CNTNAP2: variants seen among roughly 807,000 people sequenced by gnomAD.
The protein encoded by CNTNAP2 is contactin-associated protein-like 2.
CNTNAP2 carries 98 observed loss-of-function variants against 155.2 expected under a neutral mutation model. That is an observed-to-expected ratio of 0.63 (90% CI 0.54 to 0.75). CNTNAP2 has a LOEUF of 0.75. Among genes scored for constraint, CNTNAP2 ranks in the 30% least tolerant of loss-of-function variants. CNTNAP2 has a pLI of 0.00. For missense variants in CNTNAP2, 1,727 were observed against 1,688.1 expected (o/e 1.02, Z -0.40); for synonymous variants, 651 against 631.2 (o/e 1.03, Z -0.47).
intron 9 of CNTNAP2, among the ~76,000 whole-genome samples, chr7:147,391,551 C>A (rs1307294043): frequency 6.6e-6 from 1 of 151,996 alleles, no homozygotes; most frequent in Non-Finnish European, 1.5e-5. Flanking sequence ...AGGTTTACTC[C>A]ACTTAATAAA....
At chr7:148,306,542 T>C (rs1437054311) in intron 21 of CNTNAP2, among the ~76,000 whole-genome samples, 1 of 152,190 alleles carries the variant, frequency 6.6e-6, no homozygotes, top group Non-Finnish European at 1.5e-5. Flanking sequence ...CAAATTTACA[T>C]TTCATAAACT....
chr7:147,850,135 GC>G (rs1336699082), intron 13 of CNTNAP2, among the ~76,000 whole-genome samples: 15 of 152,106 alleles, frequency 9.9e-5, no homozygotes, highest in Admixed American at 9.8e-4. Context: ...ACTTTCAAAT[GC>G]TTTTTGGTAA....
intron 6 of CNTNAP2, among the ~76,000 whole-genome samples, chr7:147,127,761 T>C (rs980535106): frequency 2.6e-5 from 4 of 152,142 alleles, no homozygotes; most frequent in Non-Finnish European, 4.4e-5. Context: ...TTTTCTGACA[T>C]TTTAATGAAG....
chr7:146,136,029 A>T (rs1797792204), intron 1 of CNTNAP2, among the ~76,000 whole-genome samples: 1 of 152,244 alleles, frequency 6.6e-6, no homozygotes, highest in Admixed American at 6.5e-5. Context: ...GCCCCCAATT[A>T]TATTGTGTGA....
In CNTNAP2 at chr7:146,853,324, T is replaced by C. The variant is rs555785093; in HGVS notation, c.402+13420T>C. ...AAATTTTAAAATCAAAACCAAAATA[T>C]GATTATTCAGGTATATTTTATGTTA... is the stretch of plus-strand genomic sequence containing the variant. On this transcript the variant is annotated intron_variant, in intron 3 of 23. Transcript: ENST00000361727. Among the ~76,000 whole-genome samples the C allele has an allele frequency of 2.3e-4, 35 of 152,274 alleles. No individual in the cohort carries two copies. The South Asian group carries it at 6.4e-3, about 28-fold the overall frequency.
At chr7:146,827,013 A>AT (rs1430624573) in intron 2 of CNTNAP2, among the ~76,000 whole-genome samples, 5 of 151,674 alleles carry the variant, frequency 3.3e-5, no homozygotes, top group East Asian at 3.9e-4. Context: ...GATTAAGGAG[A>AT]TTTTTTTCAA....
intron 6 of CNTNAP2, among the ~76,000 whole-genome samples, chr7:147,126,549 C>T: frequency 6.6e-6 from 1 of 152,294 alleles, no homozygotes; most frequent in Non-Finnish European, 1.5e-5. Context: ...TCTCAGCTCA[C>T]CGCAATCTCC....
intron 1 of CNTNAP2, among the ~76,000 whole-genome samples, chr7:146,380,884 G>A (rs1584898109): frequency 8.2e-6 from 1 of 122,056 alleles, no homozygotes; most frequent in Admixed American, 1.1e-4. Context: ...TGCAGGCTCC[G>A]CCCCCTGGGG....
chr7:147,875,656 C>T (rs749620765), intron 13 of CNTNAP2, among the ~76,000 whole-genome samples: 1 of 152,104 alleles, frequency 6.6e-6, no homozygotes, highest in Non-Finnish European at 1.5e-5. Context: ...CTTTGGGAGG[C>T]CAAGGTAGTA....
chr7:148,311,948 A>C lies in CNTNAP2; in HGVS notation c.3475+44822A>C, dbSNP rs182865907. Among the ~76,000 whole-genome samples the C allele has an allele frequency of 1.3e-4, 20 of 152,316 alleles. 1 individual carries two copies. Among genetic ancestry groups the C allele is most frequent in the Non-Finnish European group, 2.9e-5 (2 of 68,030 alleles). The stretch of plus-strand genomic sequence containing the variant: ...GGCCGGATTGAAGTCTGGGCCAGGA[A>C]CAATGGTAATTGTGGGAGATTCAAC... On this transcript the variant is annotated intron_variant, in intron 21 of 23. Transcript: ENST00000361727.
intron 9 of CNTNAP2, among the ~76,000 whole-genome samples, chr7:147,347,365 T>C (rs1359788139): frequency 6.7e-6 from 1 of 149,936 alleles, no homozygotes; most frequent in African/African-American, 2.5e-5. Flanking sequence ...TTCTATATGA[T>C]GCTGATGGGC....
intron 8 of CNTNAP2, among the ~76,000 whole-genome samples, chr7:147,287,402 T>C (rs1446341641): frequency 6.6e-6 from 1 of 152,068 alleles, no homozygotes; most frequent in Non-Finnish European, 1.5e-5. Context: ...CAGGGTTCTT[T>C]GCTAAGCTGA....
intron 11 of CNTNAP2, among the ~76,000 whole-genome samples, chr7:147,547,851 A>G (rs778219111): frequency 2.6e-5 from 4 of 152,074 alleles, no homozygotes; most frequent in Admixed American, 2.6e-4. Flanking sequence ...GAGTGAGAAC[A>G]TGCGGTGTTG....
intron 13 of CNTNAP2, among the ~76,000 whole-genome samples, chr7:147,658,613 C>T: frequency 6.6e-6 from 1 of 152,178 alleles, no homozygotes; most frequent in East Asian, 1.9e-4. Context: ...GCAGGGCTAC[C>T]AGATGGGAAG....
chr7:146,614,199 G>T (rs185478780), intron 1 of CNTNAP2, among the ~76,000 whole-genome samples: 4 of 152,210 alleles, frequency 2.6e-5, no homozygotes, highest in African/African-American at 9.6e-5. Context: ...ACTCCTCTTA[G>T]AAATGTATTT....
At chr7:146,410,986 C>A (rs1795856978) in intron 1 of CNTNAP2, among the ~76,000 whole-genome samples, 1 of 152,070 alleles carries the variant, frequency 6.6e-6, no homozygotes, top group Non-Finnish European at 1.5e-5. Context: ...GTATAAATAC[C>A]AAATTCTCTT....
chr7:146,842,809 C>T (rs560437981), intron 3 of CNTNAP2, among the ~76,000 whole-genome samples: 1 of 151,766 alleles, frequency 6.6e-6, no homozygotes, highest in South Asian at 2.1e-4. Context: ...CCTCAGCCTC[C>T]CAAGTAGCTG....
At chr7:147,841,495 C>A (rs1431741825) in intron 13 of CNTNAP2, among the ~76,000 whole-genome samples, 2 of 152,062 alleles carry the variant, frequency 1.3e-5, no homozygotes, top group African/African-American at 2.4e-5. Context: ...ACAAGGTGTG[C>A]AAAGGCAATT....
chr7:147,871,559 C>G (rs1489807196), intron 13 of CNTNAP2, among the ~76,000 whole-genome samples: 1 of 152,176 alleles, frequency 6.6e-6, no homozygotes, highest in African/African-American at 2.4e-5. Context: ...GGTATCAGCC[C>G]CCACTACAGC....
Sources: gnomAD v4.1 joint callset for allele counts (sites outside exome capture counted in the v4.1 genomes callset) on GRCh38, gnomAD v4.1.1 for gene constraint, MANE v1.5 for transcripts, NCBI Gene and HGNC (gene_info 2026-07-23, HGNC 2026-07-21) for gene names.